FRMD1: variants seen among roughly 807,000 people sequenced by gnomAD.
FRMD1 encodes FERM domain containing 1.
FRMD1 carries 51 observed loss-of-function variants against 54.9 expected under a neutral mutation model. The ratio of observed to expected loss-of-function variants is 0.93; its 90% CI spans 0.74 to 1.17. The LOEUF is 1.17. FRMD1 is among the 50% of genes most tolerant of loss of function. The probability of loss-of-function intolerance (pLI) is 0.00; values close to 1 mark genes in which losing one functional copy is unlikely to be tolerated. For missense variants in FRMD1, 729 were observed against 743.0 expected (o/e 0.98, Z 0.22); for synonymous variants, 324 against 306.4 (o/e 1.06, Z -0.60).
At chr6:168,081,372 T>G, upstream of FRMD1, 2 of 1,534,482 alleles carry the variant, frequency 1.3e-6, no homozygotes, top group Non-Finnish European at 1.7e-6. Context: ...TCGACTGGCC[T>G]GTTCGTGATG....
upstream of FRMD1, among the ~76,000 whole-genome samples, chr6:168,082,511 G>A (rs1451566848): frequency 4.6e-5 from 7 of 152,156 alleles, no homozygotes; most frequent in Non-Finnish European, 7.3e-5. Context: ...AGGGCTTCTC[G>A]CCGTGCTCAG....
intron 1 of FRMD1, among the ~76,000 whole-genome samples, chr6:168,089,847 C>T (rs1007719141): frequency 2.0e-5 from 3 of 152,318 alleles, no homozygotes; most frequent in Admixed American, 2.0e-4. Context: ...ACGTGAGCCC[C>T]GCAGTGAGAA....
rs962263509 is a variant in FRMD1, at chr6:168,066,903, TG to T, written c.385-73del. The T allele has an allele frequency of 1.6e-5, 25 of 1,575,282 alleles. No homozygotes were observed. In the African/African-American group the frequency reaches 2.3e-4, roughly 14 times the overall value. On this transcript the variant is annotated intron_variant, in intron 3 of 10. Transcript: ENST00000283309. ...CCGCTGGCTGTCCTGTCTTCCCAGT[TG>T]GGGGGGCCTGGATTGCTTCACACTC... is the stretch of plus-strand genomic sequence containing the variant.
chr6:168,065,590 C>T, intron 4 of FRMD1: 1 of 986,846 alleles, frequency 1.0e-6, no homozygotes, highest in Non-Finnish European at 1.2e-6. Flanking sequence ...CACCAGGTAG[C>T]TCCATCCATC....
chr6:168,057,412 G>C (rs911452252), intron 10 of FRMD1, 73 bp from the exon 11 acceptor site: 27 of 1,566,326 alleles, frequency 1.7e-5, no homozygotes, highest in Non-Finnish European at 2.0e-5. Context: ...CAGCCACACT[G>C]CTTGTGGCCA....
intron 2 of FRMD1, among the ~76,000 whole-genome samples, chr6:168,069,915 G>A (rs1286987840): frequency 6.6e-6 from 1 of 152,176 alleles, no homozygotes; most frequent in Non-Finnish European, 1.5e-5. Context: ...TCACTGTGAA[G>A]ACATTCTTAA....
Position 168,059,023 on chromosome 6 carries a change from C to G in FRMD1, c.1407+101G>C, listed in dbSNP as rs1799570024. 1.1e-6 allele frequency: 1 copy of G among 895,392 alleles called. No individual in the cohort carries two copies. The highest frequency in any genetic ancestry group is 1.7e-6 in the Non-Finnish European group (1 of 586,866). 55.5% of individuals were successfully genotyped at this position (895,392 alleles called of 1,614,324 possible). The stretch of plus-strand genomic sequence containing the variant: ...CTGGGGATGTCAGTCGAGGGACCCT[C>G]TGATAGGCCTAGGAAGGTCCCCAGG... On this transcript the variant is annotated intron_variant, in intron 10 of 10. Coordinates refer to ENST00000283309, the MANE Select transcript of FRMD1 (RefSeq NM_024919.6). The surrounding 1 kb of genome is among the most constrained non-coding windows in gnomAD (Gnocchi z 4.4).
In FRMD1 at chr6:168,057,511, G is replaced by A. The variant is rs771129030; in HGVS notation, c.1408-172C>T. 150 of 873,660 alleles carry A rather than the reference G, an allele frequency of 1.7e-4. 1 individual carries two copies. The highest frequency in any genetic ancestry group is 7.2e-4 in the African/African-American group (42 of 58,276). The allele number at this position is 873,660 out of a possible 1,614,324, so 54.1% of individuals were successfully genotyped here. ...CGGGTCCCCCAGCACACACCTCTGC[G>A]AGAGAGGCTTGGCATCTTCCTTTGA... On this transcript the variant is annotated intron_variant, in intron 10 of 10. Coordinates refer to ENST00000283309, the MANE Select transcript of FRMD1 (RefSeq NM_024919.6).
At chr6:168,082,871 A>G (rs1800859335), upstream of FRMD1, among the ~76,000 whole-genome samples, 1 of 152,200 alleles carries the variant, frequency 6.6e-6, no homozygotes, top group Admixed American at 6.5e-5. Flanking sequence ...AGCAGGGTAC[A>G]GGGCCTGGGG....
chr6:168,073,225 G>T (rs1426798225), intron 2 of FRMD1, among the ~76,000 whole-genome samples: 1 of 151,630 alleles, frequency 6.6e-6, no homozygotes. Flanking sequence ...AAGTGAAGCT[G>T]CTGGAGGCTG....
chr6:168,061,084 G>T, intron 8 of FRMD1, 27 bp from the exon 9 acceptor site: 2 of 1,590,590 alleles, frequency 1.3e-6, no homozygotes, highest in Non-Finnish European at 8.6e-7. Flanking sequence ...GCACAGTGAG[G>T]GCGAGCTGGA....
chr6:168,063,008 C>T (rs756339241), intron 6 of FRMD1, 49 bp from the exon 7 acceptor site: 15 of 1,504,650 alleles, frequency 1.0e-5, no homozygotes, highest in Middle Eastern at 3.4e-4. Context: ...AGGTGCTGGG[C>T]CTCACTGATG....
rs762306377 is a variant in FRMD1 at position 168,065,015 on chromosome 6, C to G, written c.504G>C (p.Glu168Asp). ...GAGCGCACTGTGACCTCAGCACGCG[C>G]TCCTTCAAGTGGCAGTAGTACAGGT... Reference protein sequence around the residue: ...ARHLYYCHLKERVLRSQCAHR... With the variant: ...ARHLYYCHLKDRVLRSQCAHR... The change falls in exon 5 of 11, where the codon GAG becomes GAC. Residue 168 changes from glutamate (E) to aspartate (D), a missense_variant. By Grantham distance (45) the Glu-to-Asp change is conservative. Coordinates refer to ENST00000283309, the MANE Select transcript of FRMD1 (RefSeq NM_024919.6). The G allele has an allele frequency of 4.3e-6, 7 of 1,611,310 alleles. No homozygotes were observed. In the Admixed American group the frequency reaches 1.2e-4, roughly 27 times the overall value.
rs925255929 is a variant in FRMD1 at position 168,056,147 on chromosome 6, G to C, written c.*950C>G. ...ACAGCAGGTTTGCACGTGTGCAGGA[G>C]TGTTGTGCAGGGGGAGGAGCCCTGG... is the stretch of plus-strand genomic sequence containing the variant. On this transcript the variant is annotated 3_prime_UTR_variant, in exon 11 of 11. Coordinates refer to ENST00000283309, the MANE Select transcript of FRMD1 (RefSeq NM_024919.6). 2.4e-4 allele frequency: 37 copies of C among 152,436 alleles called. No homozygotes were observed. The highest frequency in any genetic ancestry group is 8.7e-4 in the African/African-American group (36 of 41,474). The allele number at this position is 152,436 out of a possible 1,614,324, so 9.4% of individuals were successfully genotyped here.
chr6:168,061,154 A>G (rs1799710540), intron 8 of FRMD1, 97 bp from the exon 9 acceptor site: 3 of 1,207,582 alleles, frequency 2.5e-6, no homozygotes, highest in Non-Finnish European at 3.4e-6. Context: ...GCACACCCAC[A>G]GCCCAGATGA....
At position 168,059,538 on chromosome 6, in the gene FRMD1, C is replaced by T. The variant is rs1799606922; in HGVS notation, c.1343-350G>A. On this transcript the variant is annotated intron_variant, in intron 9 of 10. Coordinates refer to ENST00000283309, the MANE Select transcript of FRMD1 (RefSeq NM_024919.6). The surrounding 1 kb of genome is among the most constrained non-coding windows in gnomAD (Gnocchi z 4.4). ...TGGCTTAGTGACAGGAATGCCTGGC[C>T]CTGGGAGGCCCTAGGTGATGTTTTG... 6.6e-6 allele frequency among the ~76,000 whole-genome samples: 1 copy of T among 152,124 alleles called. No individual in the cohort carries two copies. Among genetic ancestry groups the T allele is most frequent in the South Asian group, 2.1e-4 (1 of 4,826 alleles).
At chr6:168,072,443 C>T (rs1445763166) in intron 2 of FRMD1, among the ~76,000 whole-genome samples, 1 of 152,238 alleles carries the variant, frequency 6.6e-6, no homozygotes, top group Non-Finnish European at 1.5e-5. Flanking sequence ...CAGCGACCCG[C>T]CCTGTGCAGG....
intron 1 of FRMD1, among the ~76,000 whole-genome samples, chr6:168,089,010 TG>T (rs1434855408): frequency 6.7e-6 from 1 of 148,392 alleles, no homozygotes; most frequent in African/African-American, 2.4e-5. Flanking sequence ...TCCTGGGGAA[TG>T]GGAGCTGTGG....
At chr6:168,086,289 A>G (rs1352361983), upstream of FRMD1, among the ~76,000 whole-genome samples, 1 of 149,812 alleles carries the variant, frequency 6.7e-6, no homozygotes, top group Non-Finnish European at 1.5e-5. Flanking sequence ...CAGCATGGAC[A>G]CTGCCCACGT....
Sources: gnomAD v4.1 joint callset for allele counts (sites outside exome capture counted in the v4.1 genomes callset) on GRCh38, gnomAD v4.1.1 for gene constraint, Gnocchi (gnomAD v3.1) non-coding constraint, MANE v1.5 for transcripts, NCBI Gene and HGNC (gene_info 2026-07-23, HGNC 2026-07-21) for gene names.